CNOT7: variants seen among roughly 807,000 people sequenced by gnomAD.
The protein encoded by CNOT7 is BTG1-binding factor 1.
A neutral mutation model predicts 37.1 loss-of-function variants in CNOT7; 4 were observed. The ratio of observed to expected loss-of-function variants is 0.11; its 90% CI spans 0.05 to 0.25. The LOEUF is 0.25. Ranked by LOEUF, CNOT7 falls within the 10% of genes least tolerant of loss-of-function variation. CNOT7 has a pLI of 1.00. For synonymous variants in CNOT7, 128 were observed against 115.6 expected, an observed-to-expected ratio of 1.11 and a Z score of -0.69; for missense variants, 170 against 336.2, an observed-to-expected ratio of 0.51 and a Z score of 3.87.
In CNOT7 at chr8:17,243,094, T is replaced by A; in HGVS notation, c.209A>T (p.Asp70Val). ...YQYQLLRCNV[D>V]LLKIIQLGLT... ...TCCTAGCTGAATTATCTTTAACAAG[T>A]CTACATTACACCGCAATAGTTGGTA... Residue 70 changes from aspartate (D) to valine (V), a missense_variant, in exon 3 of 7, where the codon GAC (aspartate) becomes GTC (valine). Asp to Val is a radical substitution (Grantham distance 152, BLOSUM62 -3). Coordinates refer to ENST00000361272, the MANE Select transcript of CNOT7 (RefSeq NM_013354.7). The A allele has an allele frequency of 6.2e-7, 1 of 1,612,966 alleles. No individual in the cohort carries two copies. Among genetic ancestry groups the A allele is most frequent in the Non-Finnish European group, 8.5e-7 (1 of 1,179,670 alleles).
chr8:17,238,011 A>G (rs1809615788), intron 3 of CNOT7, among the ~76,000 whole-genome samples: 1 of 152,254 alleles, frequency 6.6e-6, no homozygotes, highest in Non-Finnish European at 1.5e-5. Context: ...ACTGCCTTAT[A>G]AAATCAAGCC....
At chr8:17,234,495 G>C in intron 5 of CNOT7, 1 of 503,156 alleles carries the variant, frequency 2.0e-6, no homozygotes, top group South Asian at 2.2e-5. Context: ...CCTGAAATGT[G>C]TTGAAAATTC....
At chr8:17,232,247 A>T in intron 6 of CNOT7, 180 bp downstream of exon 6, 1 of 1,444,264 alleles carries the variant, frequency 6.9e-7, no homozygotes, top group Non-Finnish European at 9.0e-7. Flanking sequence ...GTTCCTTCTG[A>T]ACTACATTTC....
At chr8:17,246,303 T>A (rs1336065442) in intron 1 of CNOT7, 1 of 152,246 alleles carries the variant, frequency 6.6e-6, no homozygotes, top group East Asian at 1.9e-4. Context: ...AAGCCATAGA[T>A]AACTCTCTTC....
rs1161016034 is a variant in CNOT7, at chr8:17,246,793, C to T, written c.-214G>A. The T allele has an allele frequency of 9.6e-6, 2 of 207,872 alleles. No homozygotes were observed. The highest frequency in any genetic ancestry group is 5.8e-5 in the South Asian group (1 of 17,154). 12.9% of individuals were successfully genotyped at this position (207,872 alleles called of 1,614,324 possible). A position where few individuals can be genotyped will look rare whatever the true frequency, so the allele number is the denominator to read the frequency against. ...CAGCGGGTGCCCCATAGACACCTCT[C>T]GCCCAGCGAAGGGAAAGGCGAGCAG... On this transcript the variant is annotated 5_prime_UTR_variant, in exon 1 of 7. Coordinates refer to ENST00000361272, the MANE Select transcript of CNOT7 (RefSeq NM_013354.7).
chr8:17,244,936 A>G (rs1810694099), intron 2 of CNOT7, 100 bp downstream of exon 2: 1 of 964,106 alleles, frequency 1.0e-6, no homozygotes, highest in African/African-American at 1.7e-5. Context: ...TGGTGAAATT[A>G]ATCCCTAAAA....
At position 17,227,978 on chromosome 8, in the gene CNOT7, C is replaced by T. The variant is rs183364980; in HGVS notation, c.*2742G>A. 6.6e-6 allele frequency: 1 copy of T among 152,036 alleles called. No individual in the cohort carries two copies. The highest frequency in any genetic ancestry group is 1.9e-4 in the East Asian group (1 of 5,176). The allele number at this position is 152,036 out of a possible 1,614,324, so 9.4% of individuals were successfully genotyped here. On this transcript the variant is annotated 3_prime_UTR_variant, in exon 7 of 7. Coordinates refer to ENST00000361272, the MANE Select transcript of CNOT7 (RefSeq NM_013354.7). ...CAATGTGAAACAAGACACACATACA[C>T]AGGTTCTGTAGCAGCTACTCAACTT...
chr8:17,232,152 G>A (rs923268802), intron 6 of CNOT7: 15 of 1,144,848 alleles, frequency 1.3e-5, no homozygotes, highest in Admixed American at 4.3e-5. Context: ...TTTCTCACCT[G>A]AGAAATAATA....
At chr8:17,232,396 A>C in intron 6 of CNOT7, 31 bp downstream of exon 6, 1 of 1,613,256 alleles carries the variant, frequency 6.2e-7, no homozygotes, top group Non-Finnish European at 8.5e-7. Context: ...CCTAACAACC[A>C]ACTGAGAAAA....
At chr8:17,232,617 A>G (rs1291268090) in intron 5 of CNOT7, 80 bp from the exon 6 acceptor site, 1 of 1,233,602 alleles carries the variant, frequency 8.1e-7, no homozygotes, top group Non-Finnish European at 1.2e-6. Context: ...TTAGACGCTG[A>G]CCAAAATAAA....
At chr8:17,243,405 T>C (rs1204614793) in intron 2 of CNOT7, 5 of 645,150 alleles carry the variant, frequency 7.8e-6, no homozygotes, top group African/African-American at 3.6e-5. Flanking sequence ...AAAGTTACTA[T>C]ACGAGATACA....
At chr8:17,230,896 G>C (rs983902369) in intron 6 of CNOT7, 48 bp from the exon 7 acceptor site, 35 of 1,361,304 alleles carry the variant, frequency 2.6e-5, no homozygotes, top group Non-Finnish European at 3.3e-5. Context: ...TAACCAAAAG[G>C]AACCACTTGT....
In CNOT7 at chr8:17,227,828, T is replaced by C. The variant is rs1258635809; in HGVS notation, c.*2892A>G. On this transcript the variant is annotated 3_prime_UTR_variant, in exon 7 of 7. Coordinates refer to ENST00000361272, the MANE Select transcript of CNOT7 (RefSeq NM_013354.7). ...AAAGTGTAACATTCAAAGGTACTTT[T>C]CTTGTTCTGAGATACAGGGCATGAA... The C allele has an allele frequency of 2.6e-5, 4 of 151,916 alleles. No homozygotes were observed. Among genetic ancestry groups the C allele is most frequent in the Non-Finnish European group, 5.9e-5 (4 of 67,824 alleles). The allele number at this position is 151,916 out of a possible 1,614,324, so 9.4% of individuals were successfully genotyped here.
intron 3 of CNOT7, among the ~76,000 whole-genome samples, chr8:17,239,990 G>A (rs1279258752): frequency 6.6e-6 from 1 of 152,196 alleles, no homozygotes; most frequent in Non-Finnish European, 1.5e-5. Context: ...AGAGAAAACA[G>A]AAGAGTTACA....
chr8:17,236,164 TC>T (rs1313505887), intron 4 of CNOT7, among the ~76,000 whole-genome samples: 1 of 152,202 alleles, frequency 6.6e-6, no homozygotes, highest in African/African-American at 2.4e-5. Context: ...CTCAACCATT[TC>T]TGGTTAGTAC....
intron 3 of CNOT7, among the ~76,000 whole-genome samples, chr8:17,238,879 A>C (rs1809756263): frequency 6.6e-6 from 1 of 152,216 alleles, no homozygotes; most frequent in Non-Finnish European, 1.5e-5. Context: ...CTACAAAGAC[A>C]GCTTGCCTCA....
In CNOT7 at chr8:17,230,634, C is replaced by G. The variant is rs1419773334; in HGVS notation, c.*86G>C. The G allele has an allele frequency of 2.5e-6, 3 of 1,190,296 alleles. No individual in the cohort carries two copies. Among genetic ancestry groups the G allele is most frequent in the Non-Finnish European group, 3.4e-6 (3 of 871,802 alleles). The allele number at this position is 1,190,296 out of a possible 1,614,324, so 73.7% of individuals were successfully genotyped here. On this transcript the variant is annotated 3_prime_UTR_variant, in exon 7 of 7. Transcript: ENST00000361272. ...ATGAAAGGGGGGGGAAAGGTACTGTCTATTGTTCGAGGGATTCAACCAGAG... is the reference window on the plus strand; with the variant it reads ...ATGAAAGGGGGGGGAAAGGTACTGTGTATTGTTCGAGGGATTCAACCAGAG...
intron 3 of CNOT7, chr8:17,242,053 T>C (rs1810240995): frequency 3.3e-5 from 5 of 152,156 alleles, no homozygotes. Context: ...CAGATACACC[T>C]ACTCACTCAC....
chr8:17,238,756 CCTGT>C (rs1183366382), intron 3 of CNOT7, among the ~76,000 whole-genome samples: 2 of 152,190 alleles, frequency 1.3e-5, no homozygotes, highest in East Asian at 1.9e-4. Context: ...ACACCCTTCA[CCTGT>C]CTACTTGCAG....
Sources: allele counts gnomAD v4.1 joint callset (sites outside exome capture counted in the v4.1 genomes callset), GRCh38; gene constraint gnomAD v4.1.1; transcripts MANE v1.5; gene names NCBI Gene and HGNC (gene_info 2026-07-23, HGNC 2026-07-21).